RPA1: variants seen among roughly 807,000 people sequenced by gnomAD.
RPA1 encodes the protein replication protein A1, also known as replication protein A 70 kDa DNA-binding subunit.
RPA1 carries 49 observed loss-of-function variants against 83.0 expected under a neutral mutation model. That is an observed-to-expected ratio of 0.59 (90% confidence interval 0.47 to 0.75). The LOEUF (loss-of-function observed/expected upper bound fraction) is 0.75, where lower values mean the gene tolerates loss of function less well. Ranked by LOEUF, RPA1 falls within the 30% of genes least tolerant of loss-of-function variation. The probability of loss-of-function intolerance (pLI) is 0.00; values close to 1 mark genes in which losing one functional copy is unlikely to be tolerated. For missense variants in RPA1, 693 were observed against 776.1 expected, an observed-to-expected ratio of 0.89 and a Z score of 1.27; for synonymous variants, 279 against 281.8, an observed-to-expected ratio of 0.99 and a Z score of 0.10.
intron 11 of RPA1, among the ~76,000 whole-genome samples, chr17:1,880,177 T>C (rs1488988695): frequency 2.0e-5 from 3 of 147,858 alleles, no homozygotes; most frequent in Non-Finnish European, 4.5e-5. Context: ...AGGATGGGGC[T>C]GTTAGCACAC....
chr17:1,839,148 G>A (rs1428218127), intron 1 of RPA1, among the ~76,000 whole-genome samples: 2 of 151,868 alleles, frequency 1.3e-5, no homozygotes, highest in African/African-American at 2.4e-5. Flanking sequence ...GAGCCACTGC[G>A]CCCGGCCCCT....
At chr17:1,845,801 A>C (rs1912232440) in intron 4 of RPA1, among the ~76,000 whole-genome samples, 2 of 152,084 alleles carry the variant, frequency 1.3e-5, no homozygotes, top group African/African-American at 4.8e-5. Context: ...GCGTTATGAC[A>C]TGTGCCTGTG....
chr17:1,872,549 C>A, intron 6 of RPA1, 23 bp downstream of exon 6: 1 of 1,610,938 alleles, frequency 6.2e-7, no homozygotes, highest in African/African-American at 1.3e-5. Flanking sequence ...ACGGGGCGTG[C>A]GCTGACCAGG....
At chr17:1,870,695 C>A (rs372963456) in intron 5 of RPA1, among the ~76,000 whole-genome samples, 4 of 152,188 alleles carry the variant, frequency 2.6e-5, no homozygotes, top group African/African-American at 4.8e-5. Flanking sequence ...CTGTTAGGTA[C>A]CTCTTAAGAT....
intron 4 of RPA1, among the ~76,000 whole-genome samples, chr17:1,845,285 C>T (rs989085002): frequency 2.6e-5 from 4 of 151,244 alleles, no homozygotes; most frequent in East Asian, 2.0e-4. Flanking sequence ...GTAATCCCAG[C>T]GCTTTGTGGT....
At chr17:1,892,555 C>T (rs1382492611) in intron 15 of RPA1, among the ~76,000 whole-genome samples, 1 of 152,198 alleles carries the variant, frequency 6.6e-6, no homozygotes, top group Non-Finnish European at 1.5e-5. Flanking sequence ...CCTGAGATGA[C>T]TTAGGTCGGG....
intron 12 of RPA1, among the ~76,000 whole-genome samples, chr17:1,882,280 G>A (rs1036920344): frequency 1.1e-4 from 17 of 152,104 alleles, no homozygotes; most frequent in African/African-American, 4.1e-4. Context: ...ATTTAGCTTC[G>A]ATATTAGCAA....
At chr17:1,847,790 G>T (rs1463977662) in intron 4 of RPA1, among the ~76,000 whole-genome samples, 1 of 152,050 alleles carries the variant, frequency 6.6e-6, no homozygotes, top group Non-Finnish European at 1.5e-5. Context: ...AGAGGCTGAG[G>T]CGGGGCAGAT....
Position 1,872,476 on chromosome 17 carries a change from G to C in RPA1, c.404G>C (p.Ser135Thr). The change falls in exon 6 of 17, where the codon AGC becomes ACC. Residue 135 changes from serine (S) to threonine (T), a missense_variant. Physicochemically the swap from Ser to Thr is moderately conservative, Grantham distance 58 (BLOSUM62 1). Coordinates refer to ENST00000254719, the MANE Select transcript of RPA1 (RefSeq NM_002945.5). The part of the protein sequence containing the change: ...PQVAPPAPAA[S>T]PAASSRPQPQ... ...GTAGCTCCTCCAGCGCCAGCAGCCAGCCCAGCAGCAAGCAGCAGGCCCCAG... is the reference window on the plus strand; with the variant it reads ...GTAGCTCCTCCAGCGCCAGCAGCCACCCCAGCAGCAAGCAGCAGGCCCCAG... 2 of 1,613,988 alleles carry C rather than the reference G, an allele frequency of 1.2e-6. No individual in the cohort carries two copies. Among genetic ancestry groups the C allele is most frequent in the South Asian group, 1.1e-5 (1 of 91,064 alleles).
chr17:1,845,377 A>G (rs2151272029), intron 4 of RPA1, among the ~76,000 whole-genome samples: 1 of 151,846 alleles, frequency 6.6e-6, no homozygotes, highest in East Asian at 1.9e-4. Context: ...TACAAAAAAA[A>G]AAAAGTTAAA....
At chr17:1,861,087 T>C (rs756311093) in intron 5 of RPA1, among the ~76,000 whole-genome samples, 1 of 152,154 alleles carries the variant, frequency 6.6e-6, no homozygotes, top group Non-Finnish European at 1.5e-5. Flanking sequence ...CCCTCTGGCC[T>C]TCTCAGATGA....
At chr17:1,861,332 C>T (rs995407358) in intron 5 of RPA1, among the ~76,000 whole-genome samples, 8 of 152,208 alleles carry the variant, frequency 5.3e-5, no homozygotes, top group Non-Finnish European at 8.8e-5. Flanking sequence ...GGTGCAGACC[C>T]ACTCGCTCGC....
intron 15 of RPA1, 74 bp from the exon 16 acceptor site, chr17:1,894,935 T>C: frequency 4.1e-6 from 5 of 1,232,252 alleles, no homozygotes; most frequent in Non-Finnish European, 5.9e-6. Flanking sequence ...TCAGAAGTCT[T>C]TTTAAAAGTC....
chr17:1,847,319 T>G (rs908083895), intron 4 of RPA1, among the ~76,000 whole-genome samples: 2 of 152,208 alleles, frequency 1.3e-5, no homozygotes, highest in Non-Finnish European at 2.9e-5. Flanking sequence ...TAAGTGGTGT[T>G]TTGCAGCCAC....
At chr17:1,859,957 C>T (rs1333157440) in intron 5 of RPA1, among the ~76,000 whole-genome samples, 1 of 152,182 alleles carries the variant, frequency 6.6e-6, no homozygotes, top group Non-Finnish European at 1.5e-5. Context: ...GGGCTACAGG[C>T]ACGCATCACC....
rs115476424 is a variant in RPA1, at chr17:1,857,247, C to T, written c.361+4058C>T. On this transcript the variant is annotated intron_variant, in intron 5 of 16. Transcript: ENST00000254719. ...TAGTTTTTAAATGTGGGGATTTTCT[C>T]TTTTTTTCTTTTTCTTTTTCTTTTT... Among the ~76,000 whole-genome samples, 929 of 136,918 alleles carry T rather than the reference C, an allele frequency of 6.8e-3. 13 individuals are homozygous for T. The highest frequency in any genetic ancestry group is 0.024 in the African/African-American group (848 of 35,952). The allele number at this position is 136,918 out of a possible 152,430, so 89.8% of individuals were successfully genotyped here. A position where few individuals can be genotyped will look rare whatever the true frequency, so the allele number is the denominator to read the frequency against.
At chr17:1,857,496 C>T (rs978169837) in intron 5 of RPA1, among the ~76,000 whole-genome samples, 4 of 151,540 alleles carry the variant, frequency 2.6e-5, no homozygotes, top group African/African-American at 9.7e-5. Context: ...TCTTTATCTC[C>T]CTCTAGCTGG....
At chr17:1,852,398 C>G (rs946527770) in intron 4 of RPA1, among the ~76,000 whole-genome samples, 1 of 152,140 alleles carries the variant, frequency 6.6e-6, no homozygotes, top group Non-Finnish European at 1.5e-5. Context: ...ATGTTTGAGA[C>G]GAGAGCTAAA....
rs756731473 is a variant in RPA1 at position 1,872,424 on chromosome 17, T to C, written c.362-10T>C. On this transcript the variant is annotated splice_polypyrimidine_tract_variant and intron_variant, in intron 5 of 16. Coordinates refer to ENST00000254719, the MANE Select transcript of RPA1 (RefSeq NM_002945.5). ...TTGCACTAAAACGGGGTTTCCCTTT[T>C]GATCTTCAGGACTCGGGCAGCCGCA... is the stretch of plus-strand genomic sequence containing the variant. 29 of 1,613,458 alleles carry C rather than the reference T, an allele frequency of 1.8e-5. No individual in the cohort carries two copies. Among genetic ancestry groups the C allele is most frequent in the East Asian group, 8.9e-5 (4 of 44,872 alleles).
Sources: gnomAD v4.1 joint callset for allele counts (sites outside exome capture counted in the v4.1 genomes callset) on GRCh38, gnomAD v4.1.1 for gene constraint, MANE v1.5 for transcripts, NCBI Gene and HGNC (gene_info 2026-07-23, HGNC 2026-07-21) for gene names.